Variants in ROCK1 observed in about 807,000 individuals in gnomAD.
The protein encoded by ROCK1 is Rho associated coiled-coil containing protein kinase 1.
A neutral mutation model predicts 196.8 loss-of-function variants in ROCK1; 36 were observed. That is an observed-to-expected ratio of 0.18 (90% CI 0.14 to 0.24). The LOEUF (loss-of-function observed/expected upper bound fraction) is 0.24. ROCK1 is among the 10% of genes least tolerant of loss of function. ROCK1 has a pLI of 1.00. For synonymous variants in ROCK1, 443 were observed against 515.9 expected (o/e 0.86, Z 1.91); for missense variants, 920 against 1,562.0 (o/e 0.59, Z 6.93).
intron 1 of ROCK1, among the ~76,000 whole-genome samples, chr18:21,105,507 G>C (rs1331066759): frequency 6.6e-6 from 1 of 152,124 alleles, no homozygotes; most frequent in Non-Finnish European, 1.5e-5. Context: ...CCCCAAAACA[G>C]ATCAATTCAA....
chr18:21,076,448 G>A (rs1470822840), intron 1 of ROCK1, among the ~76,000 whole-genome samples: 3 of 152,224 alleles, frequency 2.0e-5, no homozygotes, highest in Admixed American at 6.5e-5. Context: ...AGATTGCAGT[G>A]AGCCGAGATC....
chr18:21,045,024 GTT>G (rs74173710), intron 5 of ROCK1: 210 of 153,140 alleles, frequency 1.4e-3, no homozygotes, highest in East Asian at 5.9e-3. Context: ...CCACACCTGT[GTT>G]TTTTTTTTTT....
chr18:21,060,184 G>T (rs1165060422), intron 2 of ROCK1, among the ~76,000 whole-genome samples: 1 of 152,158 alleles, frequency 6.6e-6, no homozygotes, highest in African/African-American at 2.4e-5. Flanking sequence ...TCAAACGGGT[G>T]AATTTTATAG....
intron 9 of ROCK1, among the ~76,000 whole-genome samples, chr18:21,032,385 A>G (rs528719223): frequency 4.0e-4 from 61 of 152,312 alleles, no homozygotes; most frequent in African/African-American, 1.4e-3. Flanking sequence ...ATATACAGAA[A>G]AGGAAAAGAA....
chr18:20,989,915 A>C (rs2035608587), intron 18 of ROCK1, among the ~76,000 whole-genome samples: 1 of 152,086 alleles, frequency 6.6e-6, no homozygotes, highest in African/African-American at 2.4e-5. Context: ...ATAAATAAAA[A>C]TCTGGGAGAA....
At chr18:20,955,939 G>A (rs1402298385) in intron 29 of ROCK1, among the ~76,000 whole-genome samples, 1 of 152,038 alleles carries the variant, frequency 6.6e-6, no homozygotes, top group African/African-American at 2.4e-5. Context: ...AGGGAGAGGT[G>A]GAGGAAGGAA....
intron 2 of ROCK1, among the ~76,000 whole-genome samples, chr18:21,066,755 T>C (rs1598550169): frequency 6.6e-6 from 1 of 152,264 alleles, no homozygotes; most frequent in South Asian, 2.1e-4. Flanking sequence ...ATATTGCACA[T>C]AGCAGTAATT....
At chr18:21,079,268 CT>C (rs1475826284) in intron 1 of ROCK1, among the ~76,000 whole-genome samples, 1 of 152,128 alleles carries the variant, frequency 6.6e-6, no homozygotes, top group Non-Finnish European at 1.5e-5. Flanking sequence ...CTTTTCTCCT[CT>C]TTTTTTCCTT....
intron 27 of ROCK1, among the ~76,000 whole-genome samples, chr18:20,963,325 C>T (rs2035344233): frequency 6.6e-6 from 1 of 152,032 alleles, no homozygotes; most frequent in Non-Finnish European, 1.5e-5. Context: ...TGAAGACTAC[C>T]TAATTTATTT....
At chr18:20,985,028 G>A (rs1395563077) in intron 19 of ROCK1, among the ~76,000 whole-genome samples, 1 of 151,664 alleles carries the variant, frequency 6.6e-6, no homozygotes, top group African/African-American at 2.4e-5. Flanking sequence ...TTGAGCCTAC[G>A]AGTCAGAGGT....
At chr18:20,980,025 A>T in intron 21 of ROCK1, 21 bp from the exon 22 acceptor site, 1 of 1,520,066 alleles carries the variant, frequency 6.6e-7, no homozygotes, top group Non-Finnish European at 8.8e-7. Flanking sequence ...AGTGACAAGG[A>T]GAAATAAGTG....
chr18:20,985,811 C>T (rs1283561490), intron 19 of ROCK1, among the ~76,000 whole-genome samples: 1 of 152,058 alleles, frequency 6.6e-6, no homozygotes, highest in Non-Finnish European at 1.5e-5. Context: ...ATACCACTAC[C>T]AGATTGATTT....
chr18:20,973,198 G>A (rs747570534), intron 22 of ROCK1, among the ~76,000 whole-genome samples: 14 of 152,050 alleles, frequency 9.2e-5, no homozygotes, highest in Non-Finnish European at 1.5e-4. Flanking sequence ...TGTTTTTAGA[G>A]GAGATATCTA....
intron 27 of ROCK1, among the ~76,000 whole-genome samples, chr18:20,963,768 C>T (rs2035348392): frequency 6.6e-6 from 1 of 152,048 alleles, no homozygotes. Context: ...GTCATCTAGG[C>T]AACAGGCACC....
At chr18:21,099,040 A>C (rs935852144) in intron 1 of ROCK1, among the ~76,000 whole-genome samples, 2 of 152,194 alleles carry the variant, frequency 1.3e-5, no homozygotes, top group Non-Finnish European at 2.9e-5. Flanking sequence ...AGTGAGCAAA[A>C]TTATATATGC....
chr18:20,968,367 C>T (rs1484108925), intron 25 of ROCK1: 1 of 174,682 alleles, frequency 5.7e-6, no homozygotes, highest in Non-Finnish European at 1.2e-5. Context: ...CATGCAGTGG[C>T]ATGATCTTTG....
At chr18:21,106,854 G>A (rs185975433) in intron 1 of ROCK1, among the ~76,000 whole-genome samples, 5 of 152,176 alleles carry the variant, frequency 3.3e-5, no homozygotes, top group Non-Finnish European at 5.9e-5. Flanking sequence ...ACAGGTGTTC[G>A]AGAAAAGATT....
At position 20,998,597 on chromosome 18, in the gene ROCK1, CTTTTTTTT is replaced by C. The variant is rs541265477; in HGVS notation, c.1886-5668_1886-5661del. On this transcript the variant is annotated intron_variant, in intron 16 of 32. Transcript: ENST00000399799. ...GACTTTACTGCTAAATTTTACCAAA[CTTTTTTTT>C]TTTTTTTTTTTTTTTTTGAGACAGG... Among the ~76,000 whole-genome samples the C allele has an allele frequency of 5.1e-5, 5 of 97,324 alleles. No individual in the cohort carries two copies. The South Asian group carries it at 1.4e-3, about 27-fold the overall frequency. 63.8% of individuals were successfully genotyped at this position (97,324 alleles called of 152,430 possible). A position where few individuals can be genotyped will look rare whatever the true frequency, so the allele number is the denominator to read the frequency against.
At chr18:21,032,506 G>GT (rs368055407) in intron 9 of ROCK1, among the ~76,000 whole-genome samples, 5,313 of 129,206 alleles carry the variant, frequency 0.041, 291 homozygotes, top group African/African-American at 0.11. Context: ...AAATAGGAAA[G>GT]TTTTTTTTTT....
Sources: allele counts gnomAD v4.1 joint callset (sites outside exome capture counted in the v4.1 genomes callset), GRCh38; gene constraint gnomAD v4.1.1; transcripts MANE v1.5; gene names NCBI Gene and HGNC (gene_info 2026-07-23, HGNC 2026-07-21).